The following CSRNP3 variants were observed in gnomAD, a reference collection of about 807,000 sequenced individuals.
The protein encoded by CSRNP3 is cysteine/serine-rich nuclear protein 3.
Under a neutral mutation model 48.0 loss-of-function variants are expected in CSRNP3, and 12 were observed. That is an observed-to-expected ratio of 0.25 (90% CI 0.16 to 0.41). The LOEUF is 0.41. Among genes scored for constraint, CSRNP3 ranks in the 10% least tolerant of loss-of-function variants. The pLI is 1.00. For missense variants in CSRNP3, 580 were observed against 724.4 expected (o/e 0.80, Z 2.29); for synonymous variants, 263 against 269.7 (o/e 0.98, Z 0.24).
intron 4 of CSRNP3, among the ~76,000 whole-genome samples, chr2:165,627,313 C>A (rs984540386): frequency 4.6e-5 from 7 of 152,122 alleles, no homozygotes; most frequent in Admixed American, 4.6e-4. Flanking sequence ...ATTGTCTCTG[C>A]TGGGTAGCTT....
chr2:165,677,603 A>G (rs1046404082), intron 6 of CSRNP3, among the ~76,000 whole-genome samples: 2 of 151,890 alleles, frequency 1.3e-5, no homozygotes, highest in Admixed American at 6.6e-5. Flanking sequence ...AAAAAAATAC[A>G]GATACAAATT....
chr2:165,645,294 A>G (rs1686792297), intron 4 of CSRNP3, among the ~76,000 whole-genome samples: 1 of 152,106 alleles, frequency 6.6e-6, no homozygotes, highest in African/African-American at 2.4e-5. Flanking sequence ...AGATCATGCC[A>G]CTGCACTCCA....
intron 3 of CSRNP3, among the ~76,000 whole-genome samples, chr2:165,579,614 CA>C (rs1685508367): frequency 6.6e-6 from 1 of 152,104 alleles, no homozygotes; most frequent in Non-Finnish European, 1.5e-5. Flanking sequence ...TTTGCTGAGC[CA>C]ATGTTACTAT....
intron 3 of CSRNP3, among the ~76,000 whole-genome samples, chr2:165,570,960 C>T (rs1427387649): frequency 6.6e-6 from 1 of 151,742 alleles, no homozygotes; most frequent in Non-Finnish European, 1.5e-5. Flanking sequence ...AAGGTATTAA[C>T]TCATTGTATT....
At chr2:165,600,180 G>A (rs536803437) in intron 4 of CSRNP3, among the ~76,000 whole-genome samples, 6 of 142,238 alleles carry the variant, frequency 4.2e-5, no homozygotes, top group Non-Finnish European at 7.7e-5. Context: ...GAGAATATGC[G>A]GTGTTTGGTT....
chr2:165,624,852 G>C lies in CSRNP3; in HGVS notation c.148+29639G>C, dbSNP rs993819053. ...TATTGTTCATCTCTACAACCGGTGA[G>C]ATGGGTTTTCTCATTTTACAAAGAG... On this transcript the variant is annotated intron_variant, in intron 4 of 6. Transcript: ENST00000651982. Among the ~76,000 whole-genome samples the C allele has an allele frequency of 3.3e-5, 5 of 152,282 alleles. No homozygotes were observed. In the East Asian group the frequency reaches 9.7e-4, roughly 29 times the overall value.
chr2:165,509,377 GA>G (rs1684469376), intron 2 of CSRNP3, among the ~76,000 whole-genome samples: 1 of 152,136 alleles, frequency 6.6e-6, no homozygotes, highest in Non-Finnish European at 1.5e-5. Flanking sequence ...TAAGATGTCA[GA>G]AAAGAGCTTG....
chr2:165,665,524 G>A (rs1425730188), intron 5 of CSRNP3, among the ~76,000 whole-genome samples: 2 of 152,134 alleles, frequency 1.3e-5, no homozygotes. Flanking sequence ...ACTTTGGGAG[G>A]CAGAGGCTGG....
chr2:165,639,764 A>G (rs2105333288), intron 4 of CSRNP3, among the ~76,000 whole-genome samples: 2 of 152,342 alleles, frequency 1.3e-5, no homozygotes, highest in Admixed American at 1.3e-4. Flanking sequence ...GAGGAGAGCC[A>G]CTTGGAGCCT....
intron 2 of CSRNP3, among the ~76,000 whole-genome samples, chr2:165,510,209 C>T (rs1240686413): frequency 6.6e-6 from 1 of 152,014 alleles, no homozygotes; most frequent in African/African-American, 2.4e-5. Context: ...ACTAACCCAA[C>T]CCAGGTCACA....
intron 3 of CSRNP3, among the ~76,000 whole-genome samples, chr2:165,591,288 A>C (rs554776057): frequency 6.6e-6 from 1 of 152,184 alleles, no homozygotes; most frequent in Non-Finnish European, 1.5e-5. Flanking sequence ...ATGATTTAGG[A>C]TATCTGGCAG....
rs1305615458 is a variant in CSRNP3, at chr2:165,687,568, C to A, written c.*7815C>A. On this transcript the variant is annotated 3_prime_UTR_variant, in exon 7 of 7. Coordinates refer to ENST00000651982, the MANE Select transcript of CSRNP3 (RefSeq NM_001172173.2). ...ATAAGAATCCAAAGTTTTTCCACTC[C>A]TCCTGTGGGAGATAGGAATAGTTGT... is the stretch of plus-strand genomic sequence containing the variant. 1 of 152,052 alleles carries A rather than the reference C, an allele frequency of 6.6e-6. No individual in the cohort carries two copies. The highest frequency in any genetic ancestry group is 1.9e-4 in the East Asian group (1 of 5,190). 9.4% of individuals were successfully genotyped at this position (152,052 alleles called of 1,614,324 possible).
rs1687616648 is a variant in CSRNP3 at position 165,685,504 on chromosome 2, AAT to A, written c.*5754_*5755del. On this transcript the variant is annotated 3_prime_UTR_variant, in exon 7 of 7. Transcript: ENST00000651982. ...TACGACCAGATTCAAAGCCTAAAACAATATGTTTCAGTTTACTTTTATATGTA... is the reference window on the plus strand; with the variant it reads ...TACGACCAGATTCAAAGCCTAAAACAATGTTTCAGTTTACTTTTATATGTA... 1 of 152,098 alleles carries A rather than the reference AAT, an allele frequency of 6.6e-6. No individual in the cohort carries two copies. The highest frequency in any genetic ancestry group is 1.5e-5 in the Non-Finnish European group (1 of 67,994). 9.4% of individuals were successfully genotyped at this position (152,098 alleles called of 1,614,324 possible).
At chr2:165,589,126 C>A (rs1054421046) in intron 3 of CSRNP3, among the ~76,000 whole-genome samples, 1 of 152,098 alleles carries the variant, frequency 6.6e-6, no homozygotes, top group African/African-American at 2.4e-5. Context: ...TATTAATTAT[C>A]CTCACCTGGC....
intron 1 of CSRNP3, among the ~76,000 whole-genome samples, chr2:165,486,164 G>A (rs895468895): frequency 6.6e-6 from 1 of 152,144 alleles, no homozygotes; most frequent in African/African-American, 2.4e-5. Flanking sequence ...TTCCCTTTCC[G>A]AGTCAAATAA....
chr2:165,625,883 A>G (rs1686424731), intron 4 of CSRNP3, among the ~76,000 whole-genome samples: 1 of 147,330 alleles, frequency 6.8e-6, no homozygotes, highest in Non-Finnish European at 1.5e-5. Flanking sequence ...GTGAGCCGAG[A>G]TCACACCACT....
intron 3 of CSRNP3, among the ~76,000 whole-genome samples, chr2:165,554,670 G>T (rs191528991): frequency 1.3e-5 from 2 of 152,104 alleles, no homozygotes; most frequent in East Asian, 1.9e-4. Flanking sequence ...TTTTACTACT[G>T]TGTGATCCAA....
At chr2:165,607,436 A>G (rs1221538802) in intron 4 of CSRNP3, among the ~76,000 whole-genome samples, 4 of 152,134 alleles carry the variant, frequency 2.6e-5, no homozygotes, top group African/African-American at 4.8e-5. Context: ...TTTCATACAT[A>G]TTTATTACCA....
chr2:165,540,872 T>A (rs1684947581), intron 3 of CSRNP3, among the ~76,000 whole-genome samples: 1 of 152,084 alleles, frequency 6.6e-6, no homozygotes, highest in Non-Finnish European at 1.5e-5. Flanking sequence ...TTATCTTTAA[T>A]ATAGTTTCTG....
Sources: allele counts gnomAD v4.1 joint callset (sites outside exome capture counted in the v4.1 genomes callset), GRCh38; gene constraint gnomAD v4.1.1; transcripts MANE v1.5; gene names NCBI Gene and HGNC (gene_info 2026-07-23, HGNC 2026-07-21).